Variants in ASXL3 observed in about 807,000 individuals in gnomAD.
The protein encoded by ASXL3 is putative Polycomb group protein ASXL3.
A neutral mutation model predicts 170.6 loss-of-function variants in ASXL3; 34 were observed. The ratio of observed to expected loss-of-function variants is 0.20; its 90% CI spans 0.15 to 0.27. ASXL3 has a LOEUF of 0.27. ASXL3 is among the 10% of genes least tolerant of loss of function. The pLI, the probability that ASXL3 is intolerant of heterozygous loss-of-function variation, is 1.00. For synonymous variants in ASXL3, 1,002 were observed against 989.1 expected (o/e 1.01, Z -0.24); for missense variants, 2,592 against 2,695.3 (o/e 0.96, Z 0.85).
intron 8 of ASXL3, among the ~76,000 whole-genome samples, chr18:33,707,578 G>T (rs1180189581): frequency 2.6e-5 from 4 of 151,914 alleles, no homozygotes; most frequent in South Asian, 2.1e-4. Flanking sequence ...ATAGTGTATG[G>T]TTTTTTATCC....
At chr18:33,679,150 A>G (rs947565129) in intron 7 of ASXL3, among the ~76,000 whole-genome samples, 3 of 152,164 alleles carry the variant, frequency 2.0e-5, no homozygotes, top group African/African-American at 4.8e-5. Flanking sequence ...AATGACCTCA[A>G]CTCTGTTACA....
Position 33,681,897 on chromosome 18 carries a change from C to G in ASXL3, c.716-1508C>G, listed in dbSNP as rs1401038426. Among the ~76,000 whole-genome samples, 8 of 151,952 alleles carry G rather than the reference C, an allele frequency of 5.3e-5. No individual in the cohort carries two copies. In the East Asian group the frequency reaches 1.4e-3, roughly 26 times the overall value. ...CTATATATTTTCCTTAAGTTTGTATCTTAATTACTCAATAATTTTTCCCCT... is the reference window on the plus strand; with the variant it reads ...CTATATATTTTCCTTAAGTTTGTATGTTAATTACTCAATAATTTTTCCCCT... On this transcript the variant is annotated intron_variant, in intron 7 of 11. Coordinates refer to ENST00000269197, the MANE Select transcript of ASXL3 (RefSeq NM_030632.3).
chr18:33,703,051 G>A (rs2066902534), intron 8 of ASXL3, among the ~76,000 whole-genome samples: 1 of 152,050 alleles, frequency 6.6e-6, no homozygotes, highest in Admixed American at 6.6e-5. Context: ...TTTTGAGGTG[G>A]TTCAGGTCCC....
chr18:33,697,925 T>C (rs1048674797), intron 8 of ASXL3, among the ~76,000 whole-genome samples: 1 of 152,162 alleles, frequency 6.6e-6, no homozygotes, highest in Non-Finnish European at 1.5e-5. Flanking sequence ...TCCTGTTCTC[T>C]TCCTGTGACC....
chr18:33,744,715 A>G lies in ASXL3; in HGVS notation c.4867A>G (p.Thr1623Ala). 1 of 1,613,044 alleles carries G rather than the reference A, an allele frequency of 6.2e-7. No homozygotes were observed. The highest frequency in any genetic ancestry group is 8.5e-7 in the Non-Finnish European group (1 of 1,179,402). The change falls in exon 12 of 12, where the codon ACT becomes GCT. Residue 1623 changes from threonine to alanine, a missense_variant. By Grantham distance (58) the Thr-to-Ala change is moderately conservative. Around this residue, in one of 4 missense-constraint regions of ASXL3, gnomAD observed 2,246 missense variants for 2,219.6 expected, o/e 1.01. Transcript: ENST00000269197. ...GAGGAGCACAGGACAGCCTCTGGTT[A>G]CTCACTCGGGTTCAAGTAAACAAAA... Reference protein sequence around the residue: ...GMRSTGQPLVTHSGSSKQKEY... With the variant: ...GMRSTGQPLVAHSGSSKQKEY...
At chr18:33,625,988 T>G (rs75132123) in intron 2 of ASXL3, 4,933 of 152,190 alleles carry the variant, frequency 0.032, 272 homozygotes, top group African/African-American at 0.11. Flanking sequence ...TAGAGGAAGT[T>G]GGTAAAATTT....
intron 11 of ASXL3, among the ~76,000 whole-genome samples, chr18:33,740,815 C>T (rs998766456): frequency 6.6e-5 from 10 of 152,154 alleles, no homozygotes; most frequent in Admixed American, 2.6e-4. Context: ...AGAGAACTTA[C>T]ACCATAAACC....
At chr18:33,717,101 G>A (rs748972819) in intron 8 of ASXL3, among the ~76,000 whole-genome samples, 2 of 152,072 alleles carry the variant, frequency 1.3e-5, no homozygotes, top group Admixed American at 1.3e-4. Flanking sequence ...CTTTGGCTCC[G>A]ACACTGATCT....
chr18:33,661,341 T>C (rs906267925), intron 4 of ASXL3, among the ~76,000 whole-genome samples: 3 of 152,188 alleles, frequency 2.0e-5, no homozygotes, highest in African/African-American at 4.8e-5. Context: ...AGATATTGTC[T>C]ATTTTTTATG....
At chr18:33,693,192 C>T (rs2066713652) in intron 8 of ASXL3, among the ~76,000 whole-genome samples, 1 of 152,056 alleles carries the variant, frequency 6.6e-6, no homozygotes, top group African/African-American at 2.4e-5. Flanking sequence ...GAAGGAGGTG[C>T]TGAATACATG....
chr18:33,596,839 A>G (rs1363753216), intron 1 of ASXL3, among the ~76,000 whole-genome samples: 1 of 152,126 alleles, frequency 6.6e-6, no homozygotes, highest in Non-Finnish European at 1.5e-5. Context: ...ATTTTGAGAC[A>G]GGGTCTGGCT....
intron 8 of ASXL3, among the ~76,000 whole-genome samples, chr18:33,716,974 A>G (rs1350812804): frequency 1.3e-5 from 2 of 151,146 alleles, no homozygotes; most frequent in Non-Finnish European, 2.9e-5. Context: ...CTTTTGTTAT[A>G]TATTTCTAGG....
At chr18:33,662,830 T>A (rs1187331363) in intron 5 of ASXL3, among the ~76,000 whole-genome samples, 2 of 152,000 alleles carry the variant, frequency 1.3e-5, no homozygotes, top group Non-Finnish European at 2.9e-5. Flanking sequence ...TAAAATAGAG[T>A]TTTTTTAAGT....
At chr18:33,599,338 A>G (rs2145110300) in intron 1 of ASXL3, among the ~76,000 whole-genome samples, 1 of 152,188 alleles carries the variant, frequency 6.6e-6, no homozygotes, top group East Asian at 1.9e-4. Flanking sequence ...GGACACTTAT[A>G]AACTGGGTGG....
In ASXL3 at chr18:33,743,023, G is replaced by T. The variant is rs779071556; in HGVS notation, c.3175G>T (p.Ala1059Ser). 1 of 1,613,846 alleles carries T rather than the reference G, an allele frequency of 6.2e-7. No homozygotes were observed. The highest frequency in any genetic ancestry group is 8.5e-7 in the Non-Finnish European group (1 of 1,179,850). ...TGARTLADIKARAQQARAQRE... is the reference protein window; with the variant it reads ...TGARTLADIKSRAQQARAQRE... The stretch of plus-strand genomic sequence containing the variant: ...AGCCAGGACCCTCGCAGATATCAAG[G>T]CCCGGGCCCAACAAGCTCGGGCCCA... The change falls in exon 12 of 12, where the codon GCC becomes TCC. Residue 1059 changes from alanine to serine, a missense_variant. Physicochemically the swap from Ala to Ser is moderately conservative, Grantham distance 99 (BLOSUM62 1). Coordinates refer to ENST00000269197, the MANE Select transcript of ASXL3 (RefSeq NM_030632.3).
intron 8 of ASXL3, among the ~76,000 whole-genome samples, chr18:33,719,161 G>A (rs2067217169): frequency 3.3e-5 from 5 of 151,986 alleles, no homozygotes; most frequent in Admixed American, 3.3e-4. Flanking sequence ...ATGCCACACA[G>A]TCCTTCAGCT....
intron 4 of ASXL3, among the ~76,000 whole-genome samples, chr18:33,655,862 T>G (rs932525989): frequency 2.6e-5 from 4 of 152,088 alleles, no homozygotes; most frequent in African/African-American, 7.2e-5. Context: ...CTTGTTGATC[T>G]TTCAAAACAA....
chr18:33,646,989 A>G (rs2065926236), intron 4 of ASXL3, among the ~76,000 whole-genome samples: 1 of 151,542 alleles, frequency 6.6e-6, no homozygotes, highest in South Asian at 2.1e-4. Flanking sequence ...CTGCACTGCA[A>G]TTTTGGCAAA....
chr18:33,721,194 C>A (rs992325535), intron 8 of ASXL3, among the ~76,000 whole-genome samples: 7 of 151,956 alleles, frequency 4.6e-5, no homozygotes, highest in Non-Finnish European at 1.0e-4. Context: ...AATAGCCTCC[C>A]CAGCATCTGA....
Sources: gnomAD v4.1 joint callset for allele counts (sites outside exome capture counted in the v4.1 genomes callset) on GRCh38, gnomAD v4.1.1 for gene constraint, gnomAD v4.1.1 regional missense constraint, MANE v1.5 for transcripts, NCBI Gene and HGNC (gene_info 2026-07-23, HGNC 2026-07-21) for gene names.